ST6GALNAC5: variants seen among roughly 807,000 people sequenced by gnomAD.
The protein encoded by ST6GALNAC5 is ST6 N-acetylgalactosaminide alpha-2,6-sialyltransferase 5.
ST6GALNAC5 carries 27 observed loss-of-function variants against 33.6 expected under a neutral mutation model. The ratio of observed to expected loss-of-function variants is 0.80; its 90% confidence interval spans 0.59 to 1.11. The LOEUF (loss-of-function observed/expected upper bound fraction) is 1.11, where lower values mean the gene tolerates loss of function less well. Among genes scored for constraint, ST6GALNAC5 ranks in the 50% least tolerant of loss-of-function variants. The pLI, the probability that ST6GALNAC5 is intolerant of heterozygous loss-of-function variation, is 0.00. For synonymous variants in ST6GALNAC5, 194 were observed against 171.2 expected, an observed-to-expected ratio of 1.13 and a Z score of -1.04; for missense variants, 428 against 454.0, an observed-to-expected ratio of 0.94 and a Z score of 0.52.
chr1:76,969,512 C>CA (rs1335801898), intron 2 of ST6GALNAC5, among the ~76,000 whole-genome samples: 1 of 152,154 alleles, frequency 6.6e-6, no homozygotes, highest in Non-Finnish European at 1.5e-5. Context: ...AGTAGGTAAA[C>CA]AAAGCAGCCT....
chr1:77,034,201 G>C (rs968832547), intron 2 of ST6GALNAC5, among the ~76,000 whole-genome samples: 2 of 152,092 alleles, frequency 1.3e-5, no homozygotes, highest in Admixed American at 6.6e-5. Flanking sequence ...TCTAGGGAAT[G>C]ATACTTCCTT....
At chr1:76,998,124 C>G (rs1650006862) in intron 2 of ST6GALNAC5, among the ~76,000 whole-genome samples, 1 of 152,170 alleles carries the variant, frequency 6.6e-6, no homozygotes, top group South Asian at 2.1e-4. Flanking sequence ...AACCTCTTTT[C>G]TTTATAAATT....
chr1:76,921,490 C>T (rs1647034136), intron 2 of ST6GALNAC5, among the ~76,000 whole-genome samples: 1 of 152,074 alleles, frequency 6.6e-6, no homozygotes, highest in Non-Finnish European at 1.5e-5. Context: ...AGAAAGAAGA[C>T]AGAAATCACC....
intron 2 of ST6GALNAC5, among the ~76,000 whole-genome samples, chr1:76,947,277 C>T (rs1647554789): frequency 2.0e-5 from 3 of 152,166 alleles, no homozygotes; most frequent in South Asian, 4.2e-4. Flanking sequence ...AGAAAATAAG[C>T]TCTTTCAACG....
At chr1:76,971,004 A>G (rs561531465) in intron 2 of ST6GALNAC5, among the ~76,000 whole-genome samples, 18 of 152,264 alleles carry the variant, frequency 1.2e-4, no homozygotes, top group African/African-American at 4.1e-4. Context: ...TGCACTGTAA[A>G]TGACCTCAAT....
intron 2 of ST6GALNAC5, among the ~76,000 whole-genome samples, chr1:76,929,346 ACCTGGC>A (rs1436730101): frequency 6.6e-6 from 1 of 152,092 alleles, no homozygotes. Context: ...TTGGAGACCA[ACCTGGC>A]CGAGACCGTG....
chr1:76,911,683 T>C (rs1472562702), intron 2 of ST6GALNAC5, among the ~76,000 whole-genome samples: 3 of 152,192 alleles, frequency 2.0e-5, no homozygotes, highest in Non-Finnish European at 4.4e-5. Flanking sequence ...AGAGGGTATG[T>C]GTTGAGGAAT....
intron 2 of ST6GALNAC5, among the ~76,000 whole-genome samples, chr1:76,902,512 T>C (rs1025414007): frequency 6.6e-6 from 1 of 152,166 alleles, no homozygotes; most frequent in African/African-American, 2.4e-5. Context: ...TTGACTTCTT[T>C]GTACAAATTG....
intron 2 of ST6GALNAC5, among the ~76,000 whole-genome samples, chr1:77,025,112 T>C (rs1651184763): frequency 1.3e-5 from 2 of 152,224 alleles, no homozygotes; most frequent in Non-Finnish European, 2.9e-5. Context: ...AGCCATCCTA[T>C]TAAAAATTTT....
intron 2 of ST6GALNAC5, among the ~76,000 whole-genome samples, chr1:76,920,798 ACT>A (rs1314498266): frequency 3.3e-5 from 5 of 152,158 alleles, no homozygotes; most frequent in Admixed American, 1.3e-4. Context: ...CCAATCAGAT[ACT>A]CTCTTGAAGA....
At chr1:76,970,005 A>G (rs1328209915) in intron 2 of ST6GALNAC5, among the ~76,000 whole-genome samples, 1 of 151,960 alleles carries the variant, frequency 6.6e-6, no homozygotes, top group Non-Finnish European at 1.5e-5. Context: ...AACATCAACA[A>G]AAAGGACAAA....
chr1:76,906,327 GT>G lies in ST6GALNAC5; in HGVS notation c.261+37591del, dbSNP rs1468385956. Among the ~76,000 whole-genome samples the G allele has an allele frequency of 2.0e-5, 3 of 152,062 alleles. No homozygotes were observed. The East Asian group carries it at 5.8e-4, about 29-fold the overall frequency. On this transcript the variant is annotated intron_variant, in intron 2 of 4. Transcript: ENST00000477717. ...CTTCATTAAGGTTTCTCACACTGGT[GT>G]TTTTTGGCAGCATTTTTCAAGGATC...
intron 2 of ST6GALNAC5, among the ~76,000 whole-genome samples, chr1:76,943,368 A>T (rs185248507): frequency 6.6e-6 from 1 of 152,170 alleles, no homozygotes; most frequent in Non-Finnish European, 1.5e-5. Context: ...TTGTTAATCT[A>T]TCTGTGACTG....
chr1:76,868,685 CG>C lies in ST6GALNAC5; in HGVS notation c.208del (p.Val70SerfsTer20). 1 of 1,555,316 alleles carries C rather than the reference CG, an allele frequency of 6.4e-7. No homozygotes were observed. The highest frequency in any genetic ancestry group is 8.7e-7 in the Non-Finnish European group (1 of 1,149,394). ...CGGAGAGCAGCACCCAGCAGCGCCCCGGGGTCCCCGCGGGACCGCGGCCACT... is the reference window on the plus strand; with the variant it reads ...CGGAGAGCAGCACCCAGCAGCGCCCCGGGTCCCCGCGGGACCGCGGCCACT... ...AAESSTQQRP[G>X]VPAGPRPLDG... On this transcript the variant is annotated frameshift_variant, in exon 2 of 5. Transcript: ENST00000477717. LOFTEE classifies it high-confidence loss of function. This position sits in a 1 kb window ranked among gnomAD's most constrained non-coding sequence, Gnocchi z 4.3.
chr1:77,018,169 C>T (rs1309775784), intron 2 of ST6GALNAC5, among the ~76,000 whole-genome samples: 1 of 152,150 alleles, frequency 6.6e-6, no homozygotes, highest in Non-Finnish European at 1.5e-5. Flanking sequence ...AAAAAGAAAG[C>T]AGGAAGGAGA....
At chr1:76,870,068 T>C (rs1005702206) in intron 2 of ST6GALNAC5, among the ~76,000 whole-genome samples, 20 of 152,150 alleles carry the variant, frequency 1.3e-4, no homozygotes, top group African/African-American at 4.8e-4. Context: ...TATTTATTTA[T>C]TTATTGTTGT....
intron 2 of ST6GALNAC5, among the ~76,000 whole-genome samples, chr1:76,993,439 A>T (rs376011987): frequency 2.6e-5 from 4 of 152,324 alleles, no homozygotes; most frequent in South Asian, 4.1e-4. Context: ...CCCATTAAAC[A>T]GTTTCATCTC....
At chr1:76,893,814 C>T (rs1324282234) in intron 2 of ST6GALNAC5, among the ~76,000 whole-genome samples, 1 of 152,128 alleles carries the variant, frequency 6.6e-6, no homozygotes, top group African/African-American at 2.4e-5. Flanking sequence ...GTGCGTGCCA[C>T]CAAATCCGGC....
At chr1:76,965,282 T>C (rs1473115000) in intron 2 of ST6GALNAC5, among the ~76,000 whole-genome samples, 2 of 152,174 alleles carry the variant, frequency 1.3e-5, no homozygotes, top group Non-Finnish European at 2.9e-5. Flanking sequence ...TGTTGTTTCC[T>C]GACTTTTTGA....
Sources: allele counts gnomAD v4.1 joint callset (sites outside exome capture counted in the v4.1 genomes callset), GRCh38; gene constraint gnomAD v4.1.1; non-coding constraint Gnocchi (gnomAD v3.1); transcripts MANE v1.5; gene names NCBI Gene and HGNC (gene_info 2026-07-23, HGNC 2026-07-21).